Variants in MEMO1 observed in about 807,000 individuals in gnomAD.
MEMO1 encodes mediator of cell motility 1.
Under a neutral mutation model 45.2 loss-of-function variants are expected in MEMO1, and 6 were observed. The observed-to-expected ratio is 0.13, with a 90% CI of 0.07 to 0.26. MEMO1 has a LOEUF of 0.26. MEMO1 is among the 10% of genes least tolerant of loss of function. The pLI, the probability that MEMO1 is intolerant of heterozygous loss-of-function variation, is 1.00. For synonymous variants in MEMO1, 78 were observed against 124.3 expected (o/e 0.63, Z 2.48); for missense variants, 184 against 370.5 (o/e 0.50, Z 4.13).
chr2:31,968,215 G>A (rs1431151243), intron 2 of MEMO1, among the ~76,000 whole-genome samples: 3 of 152,302 alleles, frequency 2.0e-5, no homozygotes, highest in Non-Finnish European at 2.9e-5. Flanking sequence ...ATGAACATCT[G>A]TCTGAGCCAG....
rs568803783 is a variant in MEMO1, at chr2:31,920,823, C to G, written c.300G>C (p.Leu100=). ...LSSVDIYRTP[L]YDLRIDQKIY... is the part of the protein sequence containing the mutation. Reference sequence around the variant, plus strand: ...TCTTTTGGTCAATACGAAGGTCATACAGAGGTGTCCTATATATATCCACAC... The same window carrying G: ...TCTTTTGGTCAATACGAAGGTCATAGAGAGGTGTCCTATATATATCCACAC... The change falls in exon 5 of 10, where the codon CTG becomes CTC. Residue 100 remains leucine (L), a synonymous_variant. Transcript: ENST00000404530. 6.8e-6 allele frequency: 11 copies of G among 1,605,940 alleles called. No homozygotes were observed. Among genetic ancestry groups the G allele is most frequent in the Non-Finnish European group, 9.4e-6 (11 of 1,176,336 alleles).
chr2:31,969,576 T>TGTGG (rs1669080492), intron 2 of MEMO1, among the ~76,000 whole-genome samples: 1 of 103,672 alleles, frequency 9.6e-6, no homozygotes, highest in Admixed American at 1.1e-4. Flanking sequence ...TTTCTGGGGG[T>TGTGG]GTGTGTGTGG....
intron 2 of MEMO1, among the ~76,000 whole-genome samples, chr2:31,954,018 AT>A (rs1373974246): frequency 6.6e-6 from 1 of 152,196 alleles, no homozygotes; most frequent in Non-Finnish European, 1.5e-5. Flanking sequence ...AGACAAAAGT[AT>A]TTTGACTTCT....
At chr2:31,897,354 T>G (rs1452920605) in intron 6 of MEMO1, among the ~76,000 whole-genome samples, 1 of 152,258 alleles carries the variant, frequency 6.6e-6, no homozygotes, top group Non-Finnish European at 1.5e-5. Context: ...ACTGTGGGTC[T>G]GTCATAAATA....
Position 31,868,474 on chromosome 2 carries a change from T to C in MEMO1, c.781A>G (p.Lys261Glu). The change falls in exon 10 of 10, where the codon AAG (lysine) becomes GAG (glutamate). Residue 261 changes from lysine (K) to glutamate (E), a missense_variant. Around this residue, in one of 3 missense-constraint regions of MEMO1, gnomAD observed 97 missense variants for 209.3 expected, o/e 0.46. Transcript: ENST00000404530. ...VLLNAITELQ[K>E]NGMNMSFSFL... ...GAAAAACTCATATTCATTCCATTCT[T>C]CTGGAGCTCTGTGATAGCCTAGAAA... 1 of 1,600,018 alleles carries C rather than the reference T, an allele frequency of 6.2e-7. No homozygotes were observed.
At chr2:31,872,045 A>ACACACACACACACACACACACACACAC (rs1553355618) in intron 8 of MEMO1, among the ~76,000 whole-genome samples, 2 of 151,694 alleles carry the variant, frequency 1.3e-5, no homozygotes, top group African/African-American at 4.8e-5. Flanking sequence ...ACACACACAC[A>ACACACACACACACACACACACACACAC]AAGTTAAACC....
chr2:31,963,307 T>A, intron 2 of MEMO1: 1 of 1,456,122 alleles, frequency 6.9e-7, no homozygotes, highest in Non-Finnish European at 9.1e-7. Context: ...GGGATACAGA[T>A]AGATATAGAT....
intron 2 of MEMO1, among the ~76,000 whole-genome samples, chr2:31,983,451 G>C (rs2148511091): frequency 6.6e-6 from 1 of 151,690 alleles, no homozygotes; most frequent in African/African-American, 2.4e-5. Flanking sequence ...TTTTGTTTTT[G>C]AGACAGAGTT....
chr2:31,955,391 A>G (rs529319433), intron 2 of MEMO1, among the ~76,000 whole-genome samples: 1 of 152,168 alleles, frequency 6.6e-6, no homozygotes, highest in South Asian at 2.1e-4. Context: ...CCTCCAAGCT[A>G]CTTTGAAGCC....
Sources: gnomAD v4.1 joint callset for allele counts (sites outside exome capture counted in the v4.1 genomes callset) on GRCh38, gnomAD v4.1.1 for gene constraint, gnomAD v4.1.1 regional missense constraint, MANE v1.5 for transcripts, NCBI Gene and HGNC (gene_info 2026-07-23, HGNC 2026-07-21) for gene names.